MAPKAP1: variants seen among roughly 807,000 people sequenced by gnomAD.
The protein encoded by MAPKAP1 is target of rapamycin complex 2 subunit MAPKAP1.
In MAPKAP1, 20 loss-of-function variants were observed where a neutral mutation model predicts 65.7. That is an observed-to-expected ratio of 0.30 (90% CI 0.21 to 0.44). The LOEUF is 0.44. Ranked by LOEUF, MAPKAP1 falls within the 20% of genes least tolerant of loss-of-function variation. The pLI, the probability that MAPKAP1 is intolerant of heterozygous loss-of-function variation, is 1.00. For missense variants in MAPKAP1, 423 were observed against 648.0 expected, an observed-to-expected ratio of 0.65 and a Z score of 3.77; for synonymous variants, 222 against 244.3, an observed-to-expected ratio of 0.91 and a Z score of 0.85.
chr9:125,688,210 C>A (rs1243949459), intron 1 of MAPKAP1, among the ~76,000 whole-genome samples: 1 of 152,128 alleles, frequency 6.6e-6, no homozygotes, highest in African/African-American at 2.4e-5. Context: ...GCAGTCTCAG[C>A]TCACTGCAAC....
chr9:125,610,220 A>G (rs895170186), intron 4 of MAPKAP1, among the ~76,000 whole-genome samples: 3 of 152,242 alleles, frequency 2.0e-5, no homozygotes, highest in African/African-American at 7.2e-5. Flanking sequence ...TTCCTCTCCC[A>G]CAGCATTTAA....
At chr9:125,563,259 G>T (rs1037665043) in intron 5 of MAPKAP1, among the ~76,000 whole-genome samples, 1 of 152,172 alleles carries the variant, frequency 6.6e-6, no homozygotes, top group African/African-American at 2.4e-5. Flanking sequence ...GAAACCCCCC[G>T]ATACAGACAT....
intron 7 of MAPKAP1, among the ~76,000 whole-genome samples, chr9:125,533,344 C>A (rs986519112): frequency 1.3e-5 from 2 of 152,112 alleles, no homozygotes; most frequent in Non-Finnish European, 2.9e-5. Context: ...TGGCTGCTAA[C>A]CATCAGTTTG....
intron 5 of MAPKAP1, among the ~76,000 whole-genome samples, chr9:125,560,591 A>C (rs1183546355): frequency 6.6e-6 from 1 of 152,226 alleles, no homozygotes; most frequent in Non-Finnish European, 1.5e-5. Context: ...TCTCAAAAAA[A>C]TAAAATTAAA....
chr9:125,653,319 T>C (rs764076272), intron 4 of MAPKAP1, among the ~76,000 whole-genome samples: 3 of 152,136 alleles, frequency 2.0e-5, no homozygotes, highest in Non-Finnish European at 4.4e-5. Context: ...CCCAAGAAAC[T>C]GTCGGTTAAA....
At chr9:125,625,258 A>ATT (rs371821798) in intron 4 of MAPKAP1, among the ~76,000 whole-genome samples, 4,161 of 110,436 alleles carry the variant, frequency 0.038, 66 homozygotes, top group Non-Finnish European at 0.048. Flanking sequence ...AAATAAATAA[A>ATT]AAAAAAAAAA....
intron 7 of MAPKAP1, among the ~76,000 whole-genome samples, chr9:125,519,321 A>C (rs1047982761): frequency 6.6e-6 from 1 of 152,122 alleles, no homozygotes; most frequent in African/African-American, 2.4e-5. Flanking sequence ...GACTGACTGG[A>C]GCATCTGGGG....
chr9:125,499,355 T>C (rs546014273), intron 8 of MAPKAP1, among the ~76,000 whole-genome samples: 17 of 152,366 alleles, frequency 1.1e-4, no homozygotes, highest in Middle Eastern at 3.4e-3. Context: ...AATTCTTAGT[T>C]GGAATTCCTA....
chr9:125,541,113 A>G (rs1489135952), intron 7 of MAPKAP1, among the ~76,000 whole-genome samples: 1 of 152,222 alleles, frequency 6.6e-6, no homozygotes, highest in Non-Finnish European at 1.5e-5. Flanking sequence ...AGGAATAAAT[A>G]ACGCAGATCA....
chr9:125,474,058 G>A (rs1018247179), intron 9 of MAPKAP1, among the ~76,000 whole-genome samples: 5 of 152,144 alleles, frequency 3.3e-5, no homozygotes, highest in Non-Finnish European at 5.9e-5. Flanking sequence ...TCAGAAGTCA[G>A]GCACTGGGTT....
chr9:125,672,452 A>G lies in MAPKAP1; in HGVS notation c.123T>C (p.Ile41=), dbSNP rs1332120738. 13 of 1,614,070 alleles carry G rather than the reference A, an allele frequency of 8.1e-6. No homozygotes were observed. In the South Asian group the frequency reaches 1.3e-4, roughly 16 times the overall value. ...TGTCTCCAGGCATTGAAGGAGGATGAATCTTCTCTAGGTCAACATCATGAT... is the reference window on the plus strand; with the variant it reads ...TGTCTCCAGGCATTGAAGGAGGATGGATCTTCTCTAGGTCAACATCATGAT... ...LIDHDVDLEK[I]HPPSMPGDSG... The change falls in exon 2 of 12, where the codon ATT becomes ATC. Residue 41 remains isoleucine, a synonymous_variant. Transcript: ENST00000265960.
intron 1 of MAPKAP1, among the ~76,000 whole-genome samples, chr9:125,682,559 T>C (rs1453099587): frequency 6.6e-6 from 1 of 152,214 alleles, no homozygotes; most frequent in Non-Finnish European, 1.5e-5. Context: ...AATCTGCCAG[T>C]TCGGTATAAT....
At chr9:125,582,069 C>T (rs564803820) in intron 5 of MAPKAP1, among the ~76,000 whole-genome samples, 16 of 152,174 alleles carry the variant, frequency 1.1e-4, no homozygotes, top group Admixed American at 9.2e-4. Context: ...GTACTATATC[C>T]TAGGTTGAAT....
At chr9:125,491,031 T>C (rs1429239872) in intron 8 of MAPKAP1, among the ~76,000 whole-genome samples, 1 of 150,642 alleles carries the variant, frequency 6.6e-6, no homozygotes, top group Non-Finnish European at 1.5e-5. Flanking sequence ...TCAGCTACTC[T>C]GGAGGCTGAG....
chr9:125,594,506 A>T (rs939602088), intron 4 of MAPKAP1, among the ~76,000 whole-genome samples: 1 of 152,230 alleles, frequency 6.6e-6, no homozygotes, highest in African/African-American at 2.4e-5. Context: ...TGGAAAGCAA[A>T]TAAGATGTAT....
intron 9 of MAPKAP1, among the ~76,000 whole-genome samples, chr9:125,474,991 G>A (rs555572849): frequency 6.6e-6 from 1 of 152,222 alleles, no homozygotes; most frequent in East Asian, 1.9e-4. Flanking sequence ...ACAGCCAATC[G>A]ATAGCATCCA....
In MAPKAP1 at chr9:125,698,288, AATATATATATATATATATATATATATAT is replaced by A. The variant is rs57303829; in HGVS notation, c.-70+8655_-70+8682del. 1.5e-3 allele frequency among the ~76,000 whole-genome samples: 72 copies of A among 49,048 alleles called. 3 individuals are homozygous for A. In the South Asian group the frequency reaches 0.026, roughly 18 times the overall value. The allele number at this position is 49,048 out of a possible 152,430, so 32.2% of individuals were successfully genotyped here. The stretch of plus-strand genomic sequence containing the variant: ...ATATATATAATACATAATATATATA[AATATATATATATATATATATATATATAT>A]ATATATATATATATATATATAAAAT... On this transcript the variant is annotated intron_variant, in intron 1 of 11. Transcript: ENST00000265960.
chr9:125,545,977 C>T (rs1589275643), intron 6 of MAPKAP1, among the ~76,000 whole-genome samples: 1 of 152,330 alleles, frequency 6.6e-6, no homozygotes, highest in East Asian at 1.9e-4. Context: ...CACCATGCTA[C>T]ACCTGCGGAC....
chr9:125,591,136 C>T (rs745502737), intron 4 of MAPKAP1, among the ~76,000 whole-genome samples: 6 of 152,200 alleles, frequency 3.9e-5, no homozygotes, highest in African/African-American at 2.4e-5. Flanking sequence ...CTGCTCAACA[C>T]CCAATAACCA....
Sources: allele counts gnomAD v4.1 joint callset (sites outside exome capture counted in the v4.1 genomes callset), GRCh38; gene constraint gnomAD v4.1.1; transcripts MANE v1.5; gene names NCBI Gene and HGNC (gene_info 2026-07-23, HGNC 2026-07-21).